Variants in FNTB observed in about 807,000 individuals in gnomAD.
The protein encoded by FNTB is protein farnesyltransferase subunit beta.
A neutral mutation model predicts 59.4 loss-of-function variants in FNTB; 27 were observed. That is an observed-to-expected ratio of 0.45 (90% CI 0.34 to 0.63). The LOEUF is 0.63. FNTB is among the 20% of genes least tolerant of loss of function. The pLI is 0.02. For missense variants in FNTB, 449 were observed against 559.6 expected (o/e 0.80, Z 1.99); for synonymous variants, 230 against 220.7 (o/e 1.04, Z -0.37).
Position 65,031,457 on chromosome 14 carries a change from A to G in FNTB, c.606-1153A>G, listed in dbSNP as rs1347794378. ...CTCAGCCTCCCAAGTAGTTGGGACT[A>G]CGGGCACACGCCACCATGCCCAGCT... On this transcript the variant is annotated intron_variant, in intron 6 of 11. Transcript: ENST00000246166. The surrounding 1 kb of genome is among the most constrained non-coding windows in gnomAD (Gnocchi z 4.6). Among the ~76,000 whole-genome samples the G allele has an allele frequency of 6.6e-6, 1 of 151,788 alleles. No individual in the cohort carries two copies. The highest frequency in any genetic ancestry group is 1.5e-5 in the Non-Finnish European group (1 of 67,952).
Position 65,061,687 on chromosome 14 carries a change from T to G in FNTB, c.*375T>G, listed in dbSNP as rs530051373. ...GCTGACTCCCACTTGCACGCCACCA[T>G]TCAGTCACCAGACTGGGTGCCCTCC... On this transcript the variant is annotated 3_prime_UTR_variant, in exon 12 of 12. Coordinates refer to ENST00000246166, the MANE Select transcript of FNTB (RefSeq NM_002028.4). The G allele has an allele frequency of 1.5e-5, 3 of 195,658 alleles. No homozygotes were observed. Among genetic ancestry groups the G allele is most frequent in the East Asian group, 2.3e-4 (2 of 8,776 alleles). The allele number at this position is 195,658 out of a possible 1,614,324, so 12.1% of individuals were successfully genotyped here.
Position 65,044,174 on chromosome 14 carries a change from A to G in FNTB, c.823-137A>G. On this transcript the variant is annotated intron_variant, in intron 8 of 11. Coordinates refer to ENST00000246166, the MANE Select transcript of FNTB (RefSeq NM_002028.4). This position sits in a 1 kb window ranked among gnomAD's most constrained non-coding sequence, Gnocchi z 5.5. ...TGTGGGGAGGGAAGGAAAGAAAACC[A>G]GAGCACCAAAACTAGAGTGCCAAGA... 1 of 1,474,050 alleles carries G rather than the reference A, an allele frequency of 6.8e-7. No individual in the cohort carries two copies. 91.3% of individuals were successfully genotyped at this position (1,474,050 alleles called of 1,614,324 possible). A position where few individuals can be genotyped will look rare whatever the true frequency, so the allele number is the denominator to read the frequency against.
intron 11 of FNTB, among the ~76,000 whole-genome samples, chr14:65,060,290 CT>C (rs1344695596): frequency 6.6e-6 from 1 of 151,904 alleles, no homozygotes; most frequent in Non-Finnish European, 1.5e-5. Flanking sequence ...TACAAATACA[CT>C]TTTTAAAAAG....
chr14:65,048,035 T>C (rs956947578), intron 9 of FNTB, among the ~76,000 whole-genome samples: 2 of 136,242 alleles, frequency 1.5e-5, no homozygotes, highest in African/African-American at 5.5e-5. Flanking sequence ...TTGCTGAGGC[T>C]GGAGTGCAGT....
In FNTB at chr14:65,014,675, A is replaced by G. The variant is rs532337810; in HGVS notation, c.283-950A>G. 8.5e-5 allele frequency among the ~76,000 whole-genome samples: 13 copies of G among 152,246 alleles called. No individual in the cohort carries two copies. In the South Asian group the frequency reaches 2.7e-3, roughly 32 times the overall value. ...TAAAAACTTAAAAAATTAGCCAGGCATAGTGGTGTGTGCCCGTAGTCCCAG... is the reference window on the plus strand; with the variant it reads ...TAAAAACTTAAAAAATTAGCCAGGCGTAGTGGTGTGTGCCCGTAGTCCCAG... On this transcript the variant is annotated intron_variant, in intron 3 of 11. Coordinates refer to ENST00000246166, the MANE Select transcript of FNTB (RefSeq NM_002028.4). This position sits in a 1 kb window ranked among gnomAD's most constrained non-coding sequence, Gnocchi z 5.1.
intron 1 of FNTB, among the ~76,000 whole-genome samples, chr14:64,996,359 CCT>C: frequency 6.6e-6 from 1 of 152,212 alleles, no homozygotes; most frequent in Admixed American, 6.5e-5. Flanking sequence ...TAGCCTGTGC[CCT>C]GTCAGGAGCA....
chr14:65,014,045 G>A lies in FNTB; in HGVS notation c.283-1580G>A, dbSNP rs1460824907. 6.6e-6 allele frequency among the ~76,000 whole-genome samples: 1 copy of A among 152,170 alleles called. No individual in the cohort carries two copies. The highest frequency in any genetic ancestry group is 1.5e-5 in the Non-Finnish European group (1 of 68,028). ...TCACCAGCCTACCTTCCAGGTGGTG[G>A]GTTAGCCACAGCTTGGGATATCAGC... On this transcript the variant is annotated intron_variant, in intron 3 of 11. Coordinates refer to ENST00000246166, the MANE Select transcript of FNTB (RefSeq NM_002028.4). This position sits in a 1 kb window ranked among gnomAD's most constrained non-coding sequence, Gnocchi z 5.1.
Position 65,054,691 on chromosome 14 carries a change from T to G in FNTB, c.1182+2T>G. 6.2e-7 allele frequency: 1 copy of G among 1,605,260 alleles called. No homozygotes were observed. Among genetic ancestry groups the G allele is most frequent in the Non-Finnish European group, 8.5e-7 (1 of 1,175,826 alleles). On this transcript the variant is annotated splice_donor_variant, in intron 11 of 11. Coordinates refer to ENST00000246166, the MANE Select transcript of FNTB (RefSeq NM_002028.4). LOFTEE classifies it high-confidence loss of function. The surrounding 1 kb of genome is among the most constrained non-coding windows in gnomAD (Gnocchi z 4.4). ...CTGGGTGTGCCCGAAAACGCTCTGG[T>G]AAGACGGGTGCAGGGCTTCACACCC...
chr14:65,004,501 G>A (rs1291490311), intron 2 of FNTB, among the ~76,000 whole-genome samples, 188 bp downstream of exon 2: 4 of 152,114 alleles, frequency 2.6e-5, no homozygotes, highest in East Asian at 1.9e-4. Flanking sequence ...TGTTTAGAGC[G>A]ATTCTCCACT....
chr14:65,053,701 G>C (rs1488524168), intron 10 of FNTB, among the ~76,000 whole-genome samples: 5 of 151,748 alleles, frequency 3.3e-5, no homozygotes, highest in African/African-American at 1.2e-4. Context: ...TGTAAACAGA[G>C]ACTGTAATCA....
intron 1 of FNTB, among the ~76,000 whole-genome samples, chr14:64,996,536 G>A (rs1193471012): frequency 6.6e-6 from 1 of 152,152 alleles, no homozygotes; most frequent in Non-Finnish European, 1.5e-5. Context: ...GTATAACATT[G>A]TGTTGATGGG....
rs558190814 is a variant in FNTB, at chr14:65,004,162, T to C, written c.145-87T>C. Reference sequence around the variant, plus strand: ...GACCATACCAACCAACCCTCGCCAATAGGCATTTGTGGCAATAGGAAGAAA... The same window carrying C: ...GACCATACCAACCAACCCTCGCCAACAGGCATTTGTGGCAATAGGAAGAAA... On this transcript the variant is annotated intron_variant, in intron 1 of 11. Transcript: ENST00000246166. The C allele has an allele frequency of 4.3e-5, 62 of 1,452,900 alleles. No homozygotes were observed. In the African/African-American group the frequency reaches 7.4e-4, roughly 17 times the overall value. The allele number at this position is 1,452,900 out of a possible 1,614,324, so 90.0% of individuals were successfully genotyped here. A position where few individuals can be genotyped will look rare whatever the true frequency, so the allele number is the denominator to read the frequency against.
At chr14:65,004,821 C>T (rs1017056781) in intron 2 of FNTB, among the ~76,000 whole-genome samples, 20 of 152,248 alleles carry the variant, frequency 1.3e-4, no homozygotes, top group Middle Eastern at 3.4e-3. Flanking sequence ...CACCACCACA[C>T]TCGGCTAATT....
rs1211494488 is a variant in FNTB at position 65,040,777 on chromosome 14, A to C, written c.693-13A>C. 1.9e-6 allele frequency: 3 copies of C among 1,609,550 alleles called. No homozygotes were observed. The highest frequency in any genetic ancestry group is 2.5e-6 in the Non-Finnish European group (3 of 1,177,878). On this transcript the variant is annotated splice_polypyrimidine_tract_variant and intron_variant, in intron 7 of 11. Transcript: ENST00000246166. ...ACTGGCCACTCATTCTGCTTTTCTC[A>C]ATCTCTTCTTAGGTGTCAGAACTGG...
rs59414553 is a variant in FNTB, at chr14:65,001,156, C to T, written c.145-3093C>T. Among the ~76,000 whole-genome samples the T allele has an allele frequency of 0.13, 19,204 of 152,134 alleles. 1,311 individuals carry two copies. Among genetic ancestry groups the T allele is most frequent in the Admixed American group, 0.17 (2,637 of 15,278 alleles). ...ATTTTTCTTTTCTCGATTGCAGTTACATTGTACTAGGAGGTATTATAAGTA... is the reference window on the plus strand; with the variant it reads ...ATTTTTCTTTTCTCGATTGCAGTTATATTGTACTAGGAGGTATTATAAGTA... On this transcript the variant is annotated intron_variant, in intron 1 of 11. Coordinates refer to ENST00000246166, the MANE Select transcript of FNTB (RefSeq NM_002028.4). This position sits in a 1 kb window ranked among gnomAD's most constrained non-coding sequence, Gnocchi z 5.5.
Position 65,061,322 on chromosome 14 carries a change from G to C in FNTB, c.*10G>C, listed in dbSNP as rs771954819. On this transcript the variant is annotated 3_prime_UTR_variant, in exon 12 of 12. Coordinates refer to ENST00000246166, the MANE Select transcript of FNTB (RefSeq NM_002028.4). Reference sequence around the variant, plus strand: ...GCCTGCAACCGACTAGAGGACCTGGGTCCCGGCAGCTCTTTGCTCACCCAT... The same window carrying C: ...GCCTGCAACCGACTAGAGGACCTGGCTCCCGGCAGCTCTTTGCTCACCCAT... The C allele has an allele frequency of 6.2e-7, 1 of 1,613,364 alleles. No homozygotes were observed. Among genetic ancestry groups the C allele is most frequent in the South Asian group, 1.1e-5 (1 of 91,050 alleles).
Position 65,009,851 on chromosome 14 carries a change from C to T in FNTB, c.210-2466C>T, listed in dbSNP as rs887578369. On this transcript the variant is annotated intron_variant, in intron 2 of 11. Transcript: ENST00000246166. This position sits in a 1 kb window ranked among gnomAD's most constrained non-coding sequence, Gnocchi z 4.2. ...CCCTCCATCTCTTCCCGTGGCTGAT[C>T]ACAGCGTTTATTGGACAGGGCTCTG... Among the ~76,000 whole-genome samples the T allele has an allele frequency of 6.6e-6, 1 of 152,094 alleles. No individual in the cohort carries two copies. Among genetic ancestry groups the T allele is most frequent in the African/African-American group, 2.4e-5 (1 of 41,404 alleles).
intron 1 of FNTB, among the ~76,000 whole-genome samples, chr14:64,996,545 G>A (rs1240779563): frequency 6.6e-6 from 1 of 152,098 alleles, no homozygotes; most frequent in Admixed American, 6.5e-5. Flanking sequence ...TGTGTTGATG[G>A]GAAAACAAAT....
Position 65,009,641 on chromosome 14 carries a change from C to T in FNTB, c.210-2676C>T, listed in dbSNP as rs903489699. Among the ~76,000 whole-genome samples, 8 of 152,184 alleles carry T rather than the reference C, an allele frequency of 5.3e-5. No homozygotes were observed. The highest frequency in any genetic ancestry group is 1.7e-4 in the African/African-American group (7 of 41,428). ...CCTCCATCCTCTTTACAGACCTTCC[C>T]TATGGATTTCCTCTGAGCTTTTGCA... is the stretch of plus-strand genomic sequence containing the variant. On this transcript the variant is annotated intron_variant, in intron 2 of 11. Transcript: ENST00000246166. This position sits in a 1 kb window ranked among gnomAD's most constrained non-coding sequence, Gnocchi z 4.2.
Sources: gnomAD v4.1 joint callset for allele counts (sites outside exome capture counted in the v4.1 genomes callset) on GRCh38, gnomAD v4.1.1 for gene constraint, Gnocchi (gnomAD v3.1) non-coding constraint, MANE v1.5 for transcripts, NCBI Gene and HGNC (gene_info 2026-07-23, HGNC 2026-07-21) for gene names.